Variants in GPC5 observed in about 807,000 individuals in gnomAD.
The protein encoded by GPC5 is glypican 5.
In GPC5, 47 loss-of-function variants were observed where a neutral mutation model predicts 53.9. The ratio of observed to expected loss-of-function variants is 0.87; its 90% CI spans 0.69 to 1.11. The LOEUF (loss-of-function observed/expected upper bound fraction) is 1.11. GPC5 is among the 50% of genes most tolerant of loss of function. The probability of loss-of-function intolerance (pLI) is 0.00; values close to 1 mark genes in which losing one functional copy is unlikely to be tolerated. For missense variants in GPC5, 748 were observed against 713.1 expected (o/e 1.05, Z -0.56); for synonymous variants, 286 against 263.3 (o/e 1.09, Z -0.84).
At chr13:92,678,576 C>T (rs960141110) in intron 7 of GPC5, among the ~76,000 whole-genome samples, 4 of 152,186 alleles carry the variant, frequency 2.6e-5, no homozygotes, top group African/African-American at 9.7e-5. Context: ...GCAAATAGGT[C>T]TCCCTGCTAC....
At position 91,434,405 on chromosome 13, in the gene GPC5, C is replaced by G. The variant is rs554528610; in HGVS notation, c.164-14356C>G. The stretch of plus-strand genomic sequence containing the variant: ...AAGGTGTAAGGAAGGGATCCAGTTT[C>G]AGCTTTCTACATATGGCTAGCCAGT... On this transcript the variant is annotated intron_variant, in intron 1 of 7. Transcript: ENST00000377067. Among the ~76,000 whole-genome samples the G allele has an allele frequency of 6.2e-4, 95 of 152,140 alleles. No homozygotes were observed. In the East Asian group the frequency reaches 0.016, roughly 26 times the overall value.
intron 7 of GPC5, among the ~76,000 whole-genome samples, chr13:92,863,954 G>A (rs9584073): frequency 0.025 from 3,855 of 152,130 alleles, 135 homozygotes; most frequent in African/African-American, 0.086. Context: ...GCATATAAGA[G>A]TATTCAAAAA....
intron 7 of GPC5, among the ~76,000 whole-genome samples, chr13:92,402,709 T>C (rs7988839): frequency 0.055 from 8,350 of 152,278 alleles, 295 homozygotes; most frequent in East Asian, 0.16. Flanking sequence ...TGGCTTGTTG[T>C]TGAGTCAAAG....
At chr13:91,498,694 G>A (rs973772878) in intron 2 of GPC5, among the ~76,000 whole-genome samples, 1 of 152,142 alleles carries the variant, frequency 6.6e-6, no homozygotes, top group Non-Finnish European at 1.5e-5. Context: ...GTAGCTGTAG[G>A]GGAGCCAGTT....
intron 7 of GPC5, chr13:92,448,752 CA>C (rs932581063): frequency 6.6e-6 from 1 of 151,294 alleles, no homozygotes; most frequent in African/African-American, 2.4e-5. Flanking sequence ...ATTGCTCATT[CA>C]AAATACCTTA....
intron 7 of GPC5, among the ~76,000 whole-genome samples, chr13:92,179,025 C>A (rs922988423): frequency 1.3e-5 from 2 of 151,980 alleles, no homozygotes; most frequent in Non-Finnish European, 2.9e-5. Context: ...AATAAAGTAT[C>A]CTAACGTAGA....
chr13:91,575,619 G>A (rs1054832839), intron 2 of GPC5, among the ~76,000 whole-genome samples: 1 of 152,106 alleles, frequency 6.6e-6, no homozygotes, highest in Admixed American at 6.6e-5. Flanking sequence ...GATGCTGTAT[G>A]ACGTTTAATT....
chr13:92,153,937 C>T (rs2041924925), intron 7 of GPC5, among the ~76,000 whole-genome samples: 1 of 152,156 alleles, frequency 6.6e-6, no homozygotes, highest in South Asian at 2.1e-4. Flanking sequence ...TTAGCCCCTT[C>T]CCCAGTATTA....
intron 7 of GPC5, among the ~76,000 whole-genome samples, chr13:92,353,664 T>G (rs890589795): frequency 6.6e-6 from 1 of 152,140 alleles, no homozygotes; most frequent in Non-Finnish European, 1.5e-5. Context: ...TATAAACAAA[T>G]AACCAGAATA....
At chr13:92,211,681 T>G (rs972084483) in intron 7 of GPC5, among the ~76,000 whole-genome samples, 13 of 152,192 alleles carry the variant, frequency 8.5e-5, no homozygotes, top group African/African-American at 3.1e-4. Context: ...GCAATCTGCA[T>G]TTTAATAAGC....
intron 7 of GPC5, among the ~76,000 whole-genome samples, chr13:92,752,855 G>C (rs948651800): frequency 4.6e-5 from 7 of 152,070 alleles, no homozygotes; most frequent in South Asian, 2.1e-4. Flanking sequence ...AGGGAGTCTC[G>C]CTGATTGCTA....
chr13:92,439,069 A>G (rs539117439), intron 7 of GPC5, among the ~76,000 whole-genome samples: 18 of 152,218 alleles, frequency 1.2e-4, no homozygotes, highest in African/African-American at 4.3e-4. Context: ...TGTTAATTGG[A>G]GTTACAAGAG....
intron 6 of GPC5, among the ~76,000 whole-genome samples, chr13:92,103,873 C>T (rs528282543): frequency 6.6e-6 from 1 of 152,178 alleles, no homozygotes; most frequent in Non-Finnish European, 1.5e-5. Context: ...ACTGCTGGTG[C>T]ATGAGTTGCG....
At chr13:92,352,563 T>G (rs901250660) in intron 7 of GPC5, among the ~76,000 whole-genome samples, 3 of 152,184 alleles carry the variant, frequency 2.0e-5, no homozygotes, top group African/African-American at 7.2e-5. Flanking sequence ...AGTAGATATT[T>G]TGCAGAAATA....
At chr13:91,424,565 T>C (rs1974026) in intron 1 of GPC5, among the ~76,000 whole-genome samples, 101,394 of 151,754 alleles carry the variant, frequency 0.67, 34,509 homozygotes, top group African/African-American at 0.78. Context: ...CGGGGTTTCA[T>C]CATGTTGGCC....
intron 2 of GPC5, among the ~76,000 whole-genome samples, chr13:91,615,377 A>G (rs554445498): frequency 6.6e-6 from 1 of 152,304 alleles, no homozygotes; most frequent in East Asian, 1.9e-4. Flanking sequence ...CAAAATATGA[A>G]TTGGAAGTTG....
intron 6 of GPC5, among the ~76,000 whole-genome samples, chr13:91,936,982 C>G (rs941431514): frequency 3.3e-5 from 5 of 152,052 alleles, no homozygotes; most frequent in African/African-American, 1.2e-4. Context: ...CTCATATGCA[C>G]AGTGGTGGAG....
intron 2 of GPC5, among the ~76,000 whole-genome samples, chr13:91,549,692 A>G (rs1316527055): frequency 6.6e-6 from 1 of 152,144 alleles, no homozygotes; most frequent in Non-Finnish European, 1.5e-5. Flanking sequence ...GGAAATAAAA[A>G]TTAAAACAGA....
At chr13:92,142,627 A>G (rs2041839825) in intron 6 of GPC5, among the ~76,000 whole-genome samples, 1 of 152,210 alleles carries the variant, frequency 6.6e-6, no homozygotes, top group Non-Finnish European at 1.5e-5. Context: ...AATTTCTTAA[A>G]ATAGTAAGTT....
Sources: gnomAD v4.1 joint callset for allele counts (sites outside exome capture counted in the v4.1 genomes callset) on GRCh38, gnomAD v4.1.1 for gene constraint, MANE v1.5 for transcripts, NCBI Gene and HGNC (gene_info 2026-07-23, HGNC 2026-07-21) for gene names.